Variants in PLEKHG2 observed in about 807,000 individuals in gnomAD.
PLEKHG2 encodes pleckstrin homology and RhoGEF domain containing G2.
A neutral mutation model predicts 104.4 loss-of-function variants in PLEKHG2; 71 were observed. The observed-to-expected ratio is 0.68, with a 90% CI of 0.56 to 0.83. The LOEUF is 0.83. PLEKHG2 is among the 40% of genes least tolerant of loss of function. The pLI, the probability that PLEKHG2 is intolerant of heterozygous loss-of-function variation, is 0.00. For synonymous variants in PLEKHG2, 728 were observed against 737.0 expected, an observed-to-expected ratio of 0.99 and a Z score of 0.20; for missense variants, 1,730 against 1,809.4, an observed-to-expected ratio of 0.96 and a Z score of 0.80.
In PLEKHG2 at chr19:39,413,860, C is replaced by T. The variant is rs1218018097; in HGVS notation, c.-22-205C>T. The T allele has an allele frequency of 4.7e-6, 2 of 421,656 alleles. No individual in the cohort carries two copies. The highest frequency in any genetic ancestry group is 4.4e-6 in the Non-Finnish European group (1 of 225,962). 26.1% of individuals were successfully genotyped at this position (421,656 alleles called of 1,614,324 possible). The stretch of plus-strand genomic sequence containing the variant: ...TGCGCCTCCTGCTCCGCTCACTCTT[C>T]TTTGTCTCAGCCTTTCCATCTTTTT... On this transcript the variant is annotated intron_variant, in intron 1 of 18. Transcript: ENST00000425673. The surrounding 1 kb of genome is among the most constrained non-coding windows in gnomAD (Gnocchi z 4.5).
chr19:39,425,339 C>A lies in PLEKHG2; in HGVS notation c.*45C>A. 1 of 1,568,590 alleles carries A rather than the reference C, an allele frequency of 6.4e-7. No homozygotes were observed. The stretch of plus-strand genomic sequence containing the variant: ...CTGAAGCAAGGATTTCAGCCAGATG[C>A]CATAGACCCTCAGAACTTGACCTGG... On this transcript the variant is annotated 3_prime_UTR_variant, in exon 19 of 19. Coordinates refer to ENST00000425673, the MANE Select transcript of PLEKHG2 (RefSeq NM_022835.3).
chr19:39,420,480 C>A, intron 11 of PLEKHG2, 146 bp from the exon 12 acceptor site: 2 of 931,254 alleles, frequency 2.1e-6, no homozygotes, highest in Non-Finnish European at 3.4e-6. Flanking sequence ...GCTATGATTG[C>A]ACCACTGTAC....
chr19:39,423,717 C>G lies in PLEKHG2; in HGVS notation c.2600-16C>G. On this transcript the variant is annotated splice_polypyrimidine_tract_variant and intron_variant, in intron 18 of 18. Transcript: ENST00000425673. ...CTGGAGTAGTGGTCCTGACTCGATC[C>G]TCTTTTCGCATTCAGGGCTCCTGCC... is the stretch of plus-strand genomic sequence containing the variant. 2 of 1,600,476 alleles carry G rather than the reference C, an allele frequency of 1.2e-6. No homozygotes were observed.
rs959415815 is a variant in PLEKHG2 at position 39,425,428 on chromosome 19, C to T, written c.*134C>T. ...GCCTTCCAACTCCTGGTATCTGCAT[C>T]GGCGAATGGCCCTTCTTGCCTTGAT... On this transcript the variant is annotated 3_prime_UTR_variant, in exon 19 of 19. Coordinates refer to ENST00000425673, the MANE Select transcript of PLEKHG2 (RefSeq NM_022835.3). 1.2e-5 allele frequency: 17 copies of T among 1,362,838 alleles called. No individual in the cohort carries two copies. The highest frequency in any genetic ancestry group is 7.5e-5 in the African/African-American group (5 of 66,938). 84.4% of individuals were successfully genotyped at this position (1,362,838 alleles called of 1,614,324 possible).
At position 39,412,902 on chromosome 19, in the gene PLEKHG2, C is replaced by T. The variant is rs1268902528; in HGVS notation, c.-533C>T. On this transcript the variant is annotated 5_prime_UTR_variant, in exon 1 of 19. Coordinates refer to ENST00000425673, the MANE Select transcript of PLEKHG2 (RefSeq NM_022835.3). ...CGCGAGACCCTGGAGGCCGAGCGCCCCGTATCCCCGTTTCAAGAACTCAGG... is the reference window on the plus strand; with the variant it reads ...CGCGAGACCCTGGAGGCCGAGCGCCTCGTATCCCCGTTTCAAGAACTCAGG... 6.6e-6 allele frequency: 1 copy of T among 152,286 alleles called. No individual in the cohort carries two copies. The highest frequency in any genetic ancestry group is 1.5e-5 in the Non-Finnish European group (1 of 68,108). 9.4% of individuals were successfully genotyped at this position (152,286 alleles called of 1,614,324 possible).
Position 39,422,004 on chromosome 19 carries a change from G to T in PLEKHG2, c.1504-111G>T, listed in dbSNP as rs139852193. The T allele has an allele frequency of 2.6e-3, 3,031 of 1,177,776 alleles. 85 individuals are homozygous for T. The African/African-American group carries it at 0.044, about 17-fold the overall frequency. The allele number at this position is 1,177,776 out of a possible 1,614,324, so 73.0% of individuals were successfully genotyped here. ...TGCACTGCAGGCTGGGCGACAGAGCGAGACTCCATCTCAAAACAAACAAAC... is the reference window on the plus strand; with the variant it reads ...TGCACTGCAGGCTGGGCGACAGAGCTAGACTCCATCTCAAAACAAACAAAC... On this transcript the variant is annotated intron_variant, in intron 16 of 18. Coordinates refer to ENST00000425673, the MANE Select transcript of PLEKHG2 (RefSeq NM_022835.3).
chr19:39,425,027 AG>A lies in PLEKHG2; in HGVS notation c.3898del (p.Ala1300ProfsTer59). On this transcript the variant is annotated frameshift_variant, in exon 19 of 19. Coordinates refer to ENST00000425673, the MANE Select transcript of PLEKHG2 (RefSeq NM_022835.3). LOFTEE classifies it high-confidence loss of function. ...TGGCTCGGCGGCAGGGGCCTGGGGG[AG>A]GGGCCCCCGCAGCCTCCCGGGGCTC... is the stretch of plus-strand genomic sequence containing the variant. The part of the protein sequence containing the change: ...SLARRQGPGG[G>X]APAASRGSWS... 1 of 1,601,068 alleles carries A rather than the reference AG, an allele frequency of 6.2e-7. No homozygotes were observed. The highest frequency in any genetic ancestry group is 8.5e-7 in the Non-Finnish European group (1 of 1,173,670).
At chr19:39,420,396 A>G (rs958578408) in intron 11 of PLEKHG2, among the ~76,000 whole-genome samples, 4 of 152,060 alleles carry the variant, frequency 2.6e-5, no homozygotes, top group Non-Finnish European at 4.4e-5. Context: ...GTGATGGTGC[A>G]CATATGAAAT....
rs781347162 is a variant in PLEKHG2 at position 39,420,605 on chromosome 19, C to T, written c.1264-21C>T. 2.9e-5 allele frequency: 47 copies of T among 1,613,988 alleles called. No individual in the cohort carries two copies. The East Asian group carries it at 1.0e-3, about 34-fold the overall frequency. On this transcript the variant is annotated intron_variant, in intron 11 of 18. Transcript: ENST00000425673. ...TACTCCAAGATCGACCCACCTCAGC[C>T]CTCATCCTCCTGTCTTTCAGGCAAA...
intron 8 of PLEKHG2, 49 bp from the exon 9 acceptor site, chr19:39,417,856 T>A (rs1312392690): frequency 1.3e-6 from 2 of 1,511,140 alleles, no homozygotes; most frequent in South Asian, 1.3e-5. Flanking sequence ...GTGTGCCACC[T>A]ACCCATGCTT....
intron 8 of PLEKHG2, 81 bp from the exon 9 acceptor site, chr19:39,417,823 AC>A: frequency 2.7e-6 from 4 of 1,495,054 alleles, no homozygotes; most frequent in Non-Finnish European, 3.6e-6. Context: ...CCTGTTGCTA[AC>A]CCCCTGTTTT....
At position 39,415,111 on chromosome 19, in the gene PLEKHG2, C is replaced by A. The variant is rs2145979104; in HGVS notation, c.229C>A (p.Pro77Thr). The A allele has an allele frequency of 6.3e-7, 1 of 1,596,732 alleles. No individual in the cohort carries two copies. Among genetic ancestry groups the A allele is most frequent in the Admixed American group, 1.7e-5 (1 of 58,052 alleles). ...CACTCCAGCCTGCTCAGCCTCCAGG[C>A]CAGAGCCCCTTCCAGGGCCTCCCAT... ...GPTPACSASR[P>T]EPLPGPPIRL... is the part of the protein sequence containing the mutation. The change falls in exon 3 of 19, where the codon CCA (proline) becomes ACA (threonine). Residue 77 changes from proline (P) to threonine (T), a missense_variant. By Grantham distance (38) the Pro-to-Thr change is conservative. Coordinates refer to ENST00000425673, the MANE Select transcript of PLEKHG2 (RefSeq NM_022835.3). The surrounding 1 kb of genome is among the most constrained non-coding windows in gnomAD (Gnocchi z 4.6).
At chr19:39,417,766 T>C in intron 8 of PLEKHG2, 74 bp downstream of exon 8, 1 of 1,534,486 alleles carries the variant, frequency 6.5e-7, no homozygotes, top group East Asian at 2.4e-5. Context: ...TGGGGGGAAA[T>C]CAGTGCCTCA....
At chr19:39,418,708 C>T in intron 9 of PLEKHG2, 26 bp from the exon 10 acceptor site, 1 of 1,589,804 alleles carries the variant, frequency 6.3e-7, no homozygotes, top group Non-Finnish European at 8.6e-7. Flanking sequence ...GGACTCTGAG[C>T]TTGCTACCCC....
At chr19:39,417,142 C>T (rs1170939791) in intron 7 of PLEKHG2, 142 bp downstream of exon 7, 4 of 952,608 alleles carry the variant, frequency 4.2e-6, no homozygotes, top group African/African-American at 1.7e-5. Context: ...AGCCACCGCG[C>T]ACAGCCCTAG....
In PLEKHG2 at chr19:39,425,046, C is replaced by A. The variant is rs183572190; in HGVS notation, c.3913C>A (p.Arg1305=). The A allele has an allele frequency of 2.2e-4, 354 of 1,598,932 alleles. 2 individuals carry two copies. In the African/African-American group the frequency reaches 4.4e-3, roughly 20 times the overall value. The change falls in exon 19 of 19, where the codon CGG becomes AGG. Residue 1305 remains arginine (R), a synonymous_variant. Transcript: ENST00000425673. The part of the protein sequence containing the change: ...GPGGGAPAAS[R]GSWSSAPTSR... ...TGGGGGAGGGGCCCCCGCAGCCTCC[C>A]GGGGCTCCTGGTCCTCTGCTCCCAC...
chr19:39,413,942 G>T lies in PLEKHG2; in HGVS notation c.-22-123G>T. On this transcript the variant is annotated intron_variant, in intron 1 of 18. Coordinates refer to ENST00000425673, the MANE Select transcript of PLEKHG2 (RefSeq NM_022835.3). The surrounding 1 kb of genome is among the most constrained non-coding windows in gnomAD (Gnocchi z 4.5). ...CTGTCACTTTGTGCCTCCCCCATTA[G>T]TTACTCCCAGGGGCCCCTCCCTGGA... 1.7e-6 allele frequency: 1 copy of T among 601,620 alleles called. No individual in the cohort carries two copies. The allele number at this position is 601,620 out of a possible 1,614,324, so 37.3% of individuals were successfully genotyped here. A position where few individuals can be genotyped will look rare whatever the true frequency, so the allele number is the denominator to read the frequency against.
chr19:39,424,562 C>T lies in PLEKHG2; in HGVS notation c.3429C>T (p.Thr1143=). ...TCCCAGACACTCAGGTTCCAGCTAC[C>T]ACACCTTTGCCCCTGCCACAAGTCC... The part of the protein sequence containing the change: ...QELPDTQVPA[T]TPLPLPQVLT... The change falls in exon 19 of 19, where the codon ACC becomes ACT. Residue 1143 remains threonine, a synonymous_variant. Transcript: ENST00000425673. The T allele has an allele frequency of 6.2e-7, 1 of 1,614,166 alleles. No individual in the cohort carries two copies. Among genetic ancestry groups the T allele is most frequent in the Admixed American group, 1.7e-5 (1 of 60,010 alleles).
intron 7 of PLEKHG2, among the ~76,000 whole-genome samples, chr19:39,417,256 G>A (rs1221966089): frequency 6.6e-6 from 1 of 152,050 alleles, no homozygotes; most frequent in African/African-American, 2.4e-5. Context: ...GGGTTCAAGT[G>A]ATTCTCCTTG....
Sources: allele counts gnomAD v4.1 joint callset (sites outside exome capture counted in the v4.1 genomes callset), GRCh38; gene constraint gnomAD v4.1.1; non-coding constraint Gnocchi (gnomAD v3.1); transcripts MANE v1.5; gene names NCBI Gene and HGNC (gene_info 2026-07-23, HGNC 2026-07-21).